SEMA6D: variants seen among roughly 807,000 people sequenced by gnomAD.
SEMA6D encodes the protein semaphorin-6D.
In SEMA6D, 35 loss-of-function variants were observed where a neutral mutation model predicts 106.6. The ratio of observed to expected loss-of-function variants is 0.33; its 90% CI spans 0.25 to 0.44. The LOEUF (loss-of-function observed/expected upper bound fraction) is 0.44, where lower values mean the gene tolerates loss of function less well. SEMA6D is among the 20% of genes least tolerant of loss of function. The pLI is 1.00. For missense variants in SEMA6D, 1,185 were observed against 1,345.9 expected (o/e 0.88, Z 1.87); for synonymous variants, 499 against 487.7 (o/e 1.02, Z -0.31).
chr15:47,532,477 T>C (rs1566863703), intron 3 of SEMA6D, among the ~76,000 whole-genome samples: 1 of 152,194 alleles, frequency 6.6e-6, no homozygotes, highest in African/African-American at 2.4e-5. Context: ...TCAGGGTTCT[T>C]GGTTCCAGCT....
intron 3 of SEMA6D, among the ~76,000 whole-genome samples, chr15:47,554,418 C>T (rs1317421420): frequency 6.6e-6 from 1 of 152,178 alleles, no homozygotes; most frequent in Non-Finnish European, 1.5e-5. Context: ...ACAGACCCAA[C>T]GGTGGGCAAT....
At chr15:47,358,934 T>TC (rs141622983) in intron 1 of SEMA6D, among the ~76,000 whole-genome samples, 226 of 152,306 alleles carry the variant, frequency 1.5e-3, no homozygotes, top group African/African-American at 5.3e-3. Flanking sequence ...CTGTGGGCCT[T>TC]CCAGGGAGTC....
At chr15:47,186,294 A>C (rs1160576926) in intron 1 of SEMA6D, among the ~76,000 whole-genome samples, 1 of 152,178 alleles carries the variant, frequency 6.6e-6, no homozygotes, top group African/African-American at 2.4e-5. Flanking sequence ...CTGATTCCAC[A>C]GGGAAAAACC....
chr15:47,277,709 C>T (rs1438851481), intron 1 of SEMA6D, among the ~76,000 whole-genome samples: 2 of 151,540 alleles, frequency 1.3e-5, no homozygotes, highest in African/African-American at 4.9e-5. Flanking sequence ...TGCGCTGCAC[C>T]TACTAACTCG....
chr15:47,347,068 C>T (rs933856377), intron 1 of SEMA6D, among the ~76,000 whole-genome samples: 1 of 152,086 alleles, frequency 6.6e-6, no homozygotes, highest in African/African-American at 2.4e-5. Context: ...GCCATCATGT[C>T]TAGATAATTT....
At position 47,720,261 on chromosome 15, in the gene SEMA6D, CTTTTTTT is replaced by C. The variant is rs869122623; in HGVS notation, c.-55+2586_-55+2592del. ...TAGGGATGCTATATCAATAACCTTTCTTTTTTTTTTTTTTTTTTTTTTTGGAACATTT... is the reference window on the plus strand; with the variant it reads ...TAGGGATGCTATATCAATAACCTTTCTTTTTTTTTTTTTTTTGGAACATTT... On this transcript the variant is annotated intron_variant, in intron 1 of 18. Transcript: ENST00000536845. Among the ~76,000 whole-genome samples, 140 of 97,150 alleles carry C rather than the reference CTTTTTTT, an allele frequency of 1.4e-3. 2 individuals are homozygous for C. In the East Asian group the frequency reaches 0.033, roughly 23 times the overall value. 63.7% of individuals were successfully genotyped at this position (97,150 alleles called of 152,430 possible). A position where few individuals can be genotyped will look rare whatever the true frequency, so the allele number is the denominator to read the frequency against.
At chr15:47,673,144 A>T (rs927832509) in intron 4 of SEMA6D, among the ~76,000 whole-genome samples, 2 of 152,056 alleles carry the variant, frequency 1.3e-5, no homozygotes, top group Admixed American at 1.3e-4. Flanking sequence ...TATCCACTTG[A>T]GCCACGTCCC....
At chr15:47,382,728 C>A (rs1169696664) in intron 1 of SEMA6D, among the ~76,000 whole-genome samples, 1 of 152,126 alleles carries the variant, frequency 6.6e-6, no homozygotes, top group Non-Finnish European at 1.5e-5. Flanking sequence ...GAGGGACAAC[C>A]CTCTGCTTGT....
intron 3 of SEMA6D, among the ~76,000 whole-genome samples, chr15:47,597,999 A>C (rs1459515146): frequency 1.3e-5 from 2 of 151,918 alleles, no homozygotes; most frequent in Non-Finnish European, 2.9e-5. Flanking sequence ...TAGGGTAAAT[A>C]ACTTTTTTAA....
intron 1 of SEMA6D, among the ~76,000 whole-genome samples, chr15:47,263,256 G>A (rs572622742): frequency 2.0e-5 from 3 of 152,056 alleles, no homozygotes; most frequent in South Asian, 2.1e-4. Context: ...CAGTGTAAGC[G>A]GACAACCTAC....
intron 4 of SEMA6D, among the ~76,000 whole-genome samples, chr15:47,696,691 A>T (rs1053001039): frequency 2.0e-5 from 3 of 152,154 alleles, no homozygotes; most frequent in Non-Finnish European, 4.4e-5. Flanking sequence ...TTTGTAGGTG[A>T]GAAACTGAGG....
At chr15:47,759,683 A>G in intron 1 of SEMA6D, 62 bp from the exon 2 acceptor site, 2 of 746,364 alleles carry the variant, frequency 2.7e-6, no homozygotes, top group Non-Finnish European at 4.7e-6. Flanking sequence ...TGAGCTGATT[A>G]CAAACAAGAA....
chr15:47,427,786 G>A (rs1408998000), intron 2 of SEMA6D, among the ~76,000 whole-genome samples: 1 of 152,092 alleles, frequency 6.6e-6, no homozygotes, highest in Non-Finnish European at 1.5e-5. Context: ...TATCCTTATC[G>A]TTATTGTTAT....
intron 4 of SEMA6D, among the ~76,000 whole-genome samples, chr15:47,672,188 A>G (rs544457276): frequency 6.6e-6 from 1 of 152,336 alleles, no homozygotes; most frequent in South Asian, 2.1e-4. Flanking sequence ...ACGCAGAGCC[A>G]GTATTCAAAA....
chr15:47,480,428 A>G (rs1420532568), intron 3 of SEMA6D, among the ~76,000 whole-genome samples: 1 of 152,130 alleles, frequency 6.6e-6, no homozygotes, highest in African/African-American at 2.4e-5. Flanking sequence ...GCAAGGCCCA[A>G]CTTGTCTGTT....
chr15:47,413,366 T>G (rs1023354610), intron 2 of SEMA6D, among the ~76,000 whole-genome samples: 1 of 152,150 alleles, frequency 6.6e-6, no homozygotes, highest in African/African-American at 2.4e-5. Flanking sequence ...TAGGTTAAAT[T>G]AAAAACATAA....
chr15:47,744,154 C>T (rs745660018), intron 1 of SEMA6D, among the ~76,000 whole-genome samples: 1 of 152,148 alleles, frequency 6.6e-6, no homozygotes, highest in Non-Finnish European at 1.5e-5. Flanking sequence ...GAAGCTGACA[C>T]GAAGTTCAGT....
chr15:47,709,880 CA>C lies in SEMA6D; in HGVS notation c.-54-49851del, dbSNP rs199899821. Reference sequence around the variant, plus strand: ...TTTTCTTCTTCAACATAAAAACTGGCAAAAAAAAAAAAAAGTCAAAAGCAAG... The same window carrying C: ...TTTTCTTCTTCAACATAAAAACTGGCAAAAAAAAAAAAAGTCAAAAGCAAG... On this transcript the variant is annotated intron_variant, in intron 4 of 19. Coordinates refer to the SEMA6D transcript ENST00000558014. Among the ~76,000 whole-genome samples the C allele has an allele frequency of 8.8e-3, 1,110 of 126,724 alleles. 3 individuals are homozygous for C. The highest frequency in any genetic ancestry group is 0.017 in the Middle Eastern group (4 of 234). 83.1% of individuals were successfully genotyped at this position (126,724 alleles called of 152,430 possible). A position where few individuals can be genotyped will look rare whatever the true frequency, so the allele number is the denominator to read the frequency against.
At chr15:47,601,318 G>A (rs995798160) in intron 4 of SEMA6D, among the ~76,000 whole-genome samples, 1 of 152,168 alleles carries the variant, frequency 6.6e-6, no homozygotes, top group South Asian at 2.1e-4. Flanking sequence ...TAACCTTTCA[G>A]CTTTGGTAAG....
Sources: gnomAD v4.1 joint callset for allele counts (sites outside exome capture counted in the v4.1 genomes callset) on GRCh38, gnomAD v4.1.1 for gene constraint, MANE v1.5 for transcripts, NCBI Gene and HGNC (gene_info 2026-07-23, HGNC 2026-07-21) for gene names.